The following RAB28 variants were observed in gnomAD, a reference collection of about 807,000 sequenced individuals.
RAB28 encodes ras-related protein Rab-28.
In RAB28, 24 loss-of-function variants were observed where a neutral mutation model predicts 31.7. The ratio of observed to expected loss-of-function variants is 0.76; its 90% CI spans 0.55 to 1.06. RAB28 has a LOEUF of 1.06. Among genes scored for constraint, RAB28 ranks in the 50% least tolerant of loss-of-function variants. The pLI is 0.00. For missense variants in RAB28, 254 were observed against 258.5 expected, an observed-to-expected ratio of 0.98 and a Z score of 0.12; for synonymous variants, 100 against 90.4, an observed-to-expected ratio of 1.11 and a Z score of -0.60.
At chr4:13,440,697 A>G (rs1419568705) in intron 4 of RAB28, among the ~76,000 whole-genome samples, 1 of 152,156 alleles carries the variant, frequency 6.6e-6, no homozygotes, top group East Asian at 1.9e-4. Context: ...GTATCACCCC[A>G]GAATTAAATG....
chr4:13,376,845 T>C (rs1287351915), intron 5 of RAB28, among the ~76,000 whole-genome samples: 1 of 152,152 alleles, frequency 6.6e-6, no homozygotes, highest in Non-Finnish European at 1.5e-5. Flanking sequence ...TTCAATGAAT[T>C]GATCATTTTC....
At chr4:13,415,702 C>T (rs147925765) in intron 4 of RAB28, among the ~76,000 whole-genome samples, 85 of 152,288 alleles carry the variant, frequency 5.6e-4, no homozygotes, top group African/African-American at 1.5e-3. Flanking sequence ...CAAGCCTCCC[C>T]AACGAGCACC....
chr4:13,374,602 C>T (rs1476347340), intron 6 of RAB28, among the ~76,000 whole-genome samples: 2 of 152,096 alleles, frequency 1.3e-5, no homozygotes, highest in Non-Finnish European at 2.9e-5. Flanking sequence ...GTCTTCATTC[C>T]TCCAGGCAAG....
chr4:13,374,672 T>C (rs1291079222), intron 6 of RAB28, among the ~76,000 whole-genome samples: 1 of 152,168 alleles, frequency 6.6e-6, no homozygotes, highest in East Asian at 1.9e-4. Context: ...ACAAGCCCTA[T>C]TGGTTCTTCT....
intron 4 of RAB28, among the ~76,000 whole-genome samples, chr4:13,437,373 T>C (rs1276048803): frequency 1.3e-5 from 2 of 152,254 alleles, no homozygotes; most frequent in South Asian, 2.1e-4. Flanking sequence ...TGGGACTTAA[T>C]TAAACTAAAG....
chr4:13,460,632 G>T (rs1442161654), intron 4 of RAB28, 67 bp downstream of exon 4: 10 of 1,588,360 alleles, frequency 6.3e-6, no homozygotes, highest in Non-Finnish European at 7.7e-6. Flanking sequence ...GTGGTGGGGG[G>T]ACACAAACAT....
At chr4:13,462,411 A>G (rs1715632295) in intron 3 of RAB28, among the ~76,000 whole-genome samples, 1 of 152,194 alleles carries the variant, frequency 6.6e-6, no homozygotes, top group Non-Finnish European at 1.5e-5. Flanking sequence ...AATTAGTGAT[A>G]GAGATTAGGC....
At chr4:13,479,684 A>C (rs1301393074) in intron 1 of RAB28, among the ~76,000 whole-genome samples, 158 bp from the exon 2 acceptor site, 2 of 151,728 alleles carry the variant, frequency 1.3e-5, no homozygotes, top group East Asian at 1.9e-4. Context: ...GAGAGACTTA[A>C]CACCACCAGG....
At chr4:13,409,897 C>T (rs889186004) in intron 4 of RAB28, among the ~76,000 whole-genome samples, 1 of 152,140 alleles carries the variant, frequency 6.6e-6, no homozygotes, top group Non-Finnish European at 1.5e-5. Flanking sequence ...AAATCTCATG[C>T]TAAATTGTGA....
chr4:13,411,761 A>G (rs1435373376), intron 4 of RAB28, among the ~76,000 whole-genome samples: 1 of 152,010 alleles, frequency 6.6e-6, no homozygotes, highest in Non-Finnish European at 1.5e-5. Flanking sequence ...AGGGGGAAAA[A>G]TAAGTTTTTA....
At chr4:13,455,048 G>A (rs1715222243) in intron 4 of RAB28, among the ~76,000 whole-genome samples, 1 of 152,174 alleles carries the variant, frequency 6.6e-6, no homozygotes, top group Non-Finnish European at 1.5e-5. Flanking sequence ...CAGCCCATGG[G>A]GCTGTTTCTC....
chr4:13,436,138 A>G (rs1474223255), intron 4 of RAB28, among the ~76,000 whole-genome samples: 7 of 152,168 alleles, frequency 4.6e-5, no homozygotes, highest in Non-Finnish European at 8.8e-5. Context: ...CAGAAAAGGC[A>G]TTCAATAAAA....
intron 4 of RAB28, among the ~76,000 whole-genome samples, chr4:13,423,323 G>A (rs1304000753): frequency 1.3e-5 from 2 of 152,060 alleles, no homozygotes; most frequent in Admixed American, 1.3e-4. Flanking sequence ...ATCGCCTGAG[G>A]TGAGAAGTTC....
Position 13,459,723 on chromosome 4 carries a change from A to T in RAB28, c.391+976T>A, listed in dbSNP as rs971235286. ...TATTTCAGAAAAAAAACAAAAATTTAGAAGAGGAAGTTTATAAGAGACAGG... is the reference window on the plus strand; with the variant it reads ...TATTTCAGAAAAAAAACAAAAATTTTGAAGAGGAAGTTTATAAGAGACAGG... On this transcript the variant is annotated intron_variant, in intron 4 of 6. Transcript: ENST00000330852. 1.5e-5 allele frequency: 15 copies of T among 1,017,126 alleles called. No homozygotes were observed. The East Asian group carries it at 1.5e-3, about 99-fold the overall frequency. 63.0% of individuals were successfully genotyped at this position (1,017,126 alleles called of 1,614,324 possible).
intron 4 of RAB28, among the ~76,000 whole-genome samples, chr4:13,455,592 C>T (rs1376610784): frequency 6.6e-6 from 1 of 152,338 alleles, no homozygotes; most frequent in East Asian, 1.9e-4. Flanking sequence ...AAGATGGCAC[C>T]ATGCTGCAGC....
intron 4 of RAB28, among the ~76,000 whole-genome samples, chr4:13,429,101 C>A (rs563326791): frequency 6.6e-6 from 1 of 152,012 alleles, no homozygotes; most frequent in Admixed American, 6.6e-5. Context: ...TCTGCCACTA[C>A]GCCTAGCTAA....
At chr4:13,442,578 T>C (rs1714479414) in intron 4 of RAB28, among the ~76,000 whole-genome samples, 1 of 151,942 alleles carries the variant, frequency 6.6e-6, no homozygotes, top group East Asian at 1.9e-4. Context: ...ATGTATTTCA[T>C]AGATATTTCA....
At chr4:13,479,388 T>C in intron 2 of RAB28, 42 bp downstream of exon 2, 1 of 1,434,582 alleles carries the variant, frequency 7.0e-7, no homozygotes, top group Middle Eastern at 1.8e-4. Context: ...ATTGTTAAGA[T>C]TTTTTTATAA....
intron 2 of RAB28, among the ~76,000 whole-genome samples, chr4:13,477,504 T>C (rs1716414492): frequency 6.6e-6 from 1 of 151,600 alleles, no homozygotes; most frequent in African/African-American, 2.4e-5. Context: ...ATATAAAGGA[T>C]AATTATAAAC....
Sources: allele counts gnomAD v4.1 joint callset (sites outside exome capture counted in the v4.1 genomes callset), GRCh38; gene constraint gnomAD v4.1.1; transcripts MANE v1.5; gene names NCBI Gene and HGNC (gene_info 2026-07-23, HGNC 2026-07-21).